NTAN1: variants seen among roughly 807,000 people sequenced by gnomAD.
The protein encoded by NTAN1 is protein N-terminal asparagine amidohydrolase.
A neutral mutation model predicts 41.9 loss-of-function variants in NTAN1; 32 were observed. The ratio of observed to expected loss-of-function variants is 0.76; its 90% CI spans 0.58 to 1.03. NTAN1 has a LOEUF of 1.03. NTAN1 is among the 50% of genes least tolerant of loss of function. NTAN1 has a pLI of 0.00. For synonymous variants in NTAN1, 140 were observed against 139.5 expected, an observed-to-expected ratio of 1.00 and a Z score of -0.03; for missense variants, 377 against 377.5, an observed-to-expected ratio of 1.00 and a Z score of 0.01.
At position 15,052,357 on chromosome 16, in the gene NTAN1, T is replaced by C. The variant is rs373594491; in HGVS notation, c.81+3534A>G. ...AAGACCATTCTTGGCCTATAGGCTA[T>C]ACATAAGCAGGGTCCGGCCCATGAG... On this transcript the variant is annotated intron_variant, in intron 1 of 9. Coordinates refer to ENST00000287706, the MANE Select transcript of NTAN1 (RefSeq NM_173474.4). 2.0e-5 allele frequency among the ~76,000 whole-genome samples: 3 copies of C among 152,338 alleles called. No individual in the cohort carries two copies. In the East Asian group the frequency reaches 5.8e-4, roughly 29 times the overall value.
chr16:15,044,268 A>G, intron 5 of NTAN1, 66 bp downstream of exon 5: 1 of 1,138,730 alleles, frequency 8.8e-7, no homozygotes, highest in Non-Finnish European at 1.3e-6. Flanking sequence ...TGGGATTTTT[A>G]ACCCAAGCAA....
intron 1 of NTAN1, among the ~76,000 whole-genome samples, chr16:15,055,305 C>T (rs887439078): frequency 1.3e-5 from 2 of 152,222 alleles, no homozygotes; most frequent in African/African-American, 4.8e-5. Flanking sequence ...TGCATCAGGG[C>T]GTGGTCCTAT....
At chr16:15,044,654 G>A (rs1005233031) in intron 4 of NTAN1, 9 of 550,114 alleles carry the variant, frequency 1.6e-5, no homozygotes, top group South Asian at 4.6e-5. Flanking sequence ...ATGTGATGCC[G>A]CCTCCATGCA....
intron 6 of NTAN1, 93 bp from the exon 7 acceptor site, chr16:15,041,214 G>A (rs7498279): frequency 1 from 843,443 of 843,490 alleles, 421,698 homozygotes; most frequent in Middle Eastern, 1. Context: ...GGAGCTCCTC[G>A]ATGCAGAAAG....
chr16:15,038,830 C>T (rs931045008), intron 8 of NTAN1, 143 bp from the exon 9 acceptor site: 3 of 582,434 alleles, frequency 5.2e-6, no homozygotes, highest in African/African-American at 3.8e-5. Context: ...ACAAAAGCTG[C>T]CAGCTACTGA....
At chr16:15,038,498 C>T in intron 9 of NTAN1, 76 bp downstream of exon 9, 2 of 868,274 alleles carry the variant, frequency 2.3e-6, no homozygotes, top group South Asian at 3.1e-5. Context: ...ATGACCTGGT[C>T]TAAACCCTTT....
At chr16:15,053,453 A>G (rs993333660) in intron 1 of NTAN1, among the ~76,000 whole-genome samples, 1 of 151,824 alleles carries the variant, frequency 6.6e-6, no homozygotes, top group Admixed American at 6.6e-5. Flanking sequence ...ACATTATAAA[A>G]CAACATATAG....
At chr16:15,051,506 C>G (rs1199739400) in intron 1 of NTAN1, among the ~76,000 whole-genome samples, 1 of 151,218 alleles carries the variant, frequency 6.6e-6, no homozygotes, top group Non-Finnish European at 1.5e-5. Flanking sequence ...GCCGACACAC[C>G]TGGCTAGTTT....
intron 1 of NTAN1, among the ~76,000 whole-genome samples, chr16:15,055,467 C>T (rs1015332856): frequency 2.0e-5 from 3 of 152,208 alleles, no homozygotes; most frequent in East Asian, 1.9e-4. Context: ...CCTGGAATAA[C>T]CTCCTGCTTC....
chr16:15,055,441 G>C (rs542861745), intron 1 of NTAN1, among the ~76,000 whole-genome samples: 3 of 152,312 alleles, frequency 2.0e-5, no homozygotes, highest in Middle Eastern at 3.4e-3. Flanking sequence ...CAGGCCAAAC[G>C]CTCTCCGAAG....
At position 15,041,114 on chromosome 16, in the gene NTAN1, AT is replaced by A; in HGVS notation, c.494del (p.Asn165MetfsTer12). ...AGTGGTTTTCGTTTTCTTCCCGGTCATTTAATTCTACAAAATAAGAATGTTT... is the reference window on the plus strand; with the variant it reads ...AGTGGTTTTCGTTTTCTTCCCGGTCATTAATTCTACAAAATAAGAATGTTT... ...HLVTLCVTEL[N>X]DREENENHFP... On this transcript the variant is annotated frameshift_variant, in exon 7 of 10. Transcript: ENST00000287706. LOFTEE classifies it high-confidence loss of function. 6.4e-7 allele frequency: 1 copy of A among 1,550,576 alleles called. No individual in the cohort carries two copies. The highest frequency in any genetic ancestry group is 8.9e-7 in the Non-Finnish European group (1 of 1,122,014).
At chr16:15,044,218 T>A in intron 5 of NTAN1, 116 bp downstream of exon 5, 1 of 688,494 alleles carries the variant, frequency 1.5e-6, no homozygotes, top group Non-Finnish European at 2.6e-6. Context: ...TTCTCTGTGC[T>A]GCTCCAAGTG....
chr16:15,048,224 TGG>T (rs2151716814), intron 1 of NTAN1, 125 bp from the exon 2 acceptor site: 1 of 642,768 alleles, frequency 1.6e-6, no homozygotes, highest in African/African-American at 1.8e-5. Context: ...AGTGTGTTAG[TGG>T]ACAGAGAGGC....
In NTAN1 at chr16:15,037,987, G is replaced by A. The variant is rs370531120; in HGVS notation, c.*44C>T. ...TGGATTCGTGCCAGCCCCACCAATG[G>A]TCTGTCAGGCCAAGAAGGTGCTTTC... On this transcript the variant is annotated 3_prime_UTR_variant, in exon 10 of 10. Transcript: ENST00000287706. 1.3e-6 allele frequency: 2 copies of A among 1,482,684 alleles called. No individual in the cohort carries two copies. Among genetic ancestry groups the A allele is most frequent in the East Asian group, 2.3e-5 (1 of 44,206 alleles). 91.8% of individuals were successfully genotyped at this position (1,482,684 alleles called of 1,614,324 possible).
At chr16:15,049,544 T>C (rs1052642677) in intron 1 of NTAN1, among the ~76,000 whole-genome samples, 1 of 152,102 alleles carries the variant, frequency 6.6e-6, no homozygotes, top group Non-Finnish European at 1.5e-5. Context: ...TTCTCGTGCC[T>C]CAGCCTCCCC....
chr16:15,042,804 C>G (rs2043880409), intron 5 of NTAN1, among the ~76,000 whole-genome samples: 1 of 151,990 alleles, frequency 6.6e-6, no homozygotes, highest in African/African-American at 2.4e-5. Flanking sequence ...GTGATCTCAG[C>G]TCACTGCAAC....
At chr16:15,052,204 T>C (rs35574015) in intron 1 of NTAN1, among the ~76,000 whole-genome samples, 44,336 of 151,822 alleles carry the variant, frequency 0.29, 6,999 homozygotes, top group Admixed American at 0.44. Flanking sequence ...AAAGCAGCCA[T>C]AGACAATACA....
At chr16:15,049,153 C>T (rs1265097904) in intron 1 of NTAN1, among the ~76,000 whole-genome samples, 248 of 126,024 alleles carry the variant, frequency 2.0e-3, no homozygotes, top group Middle Eastern at 0.013. Flanking sequence ...CCTGGCCTCC[C>T]AAAGTGCTGG....
At chr16:15,044,494 C>T (rs1597782175) in intron 4 of NTAN1, 87 bp from the exon 5 acceptor site, 2 of 865,566 alleles carry the variant, frequency 2.3e-6, no homozygotes, top group Non-Finnish European at 3.9e-6. Context: ...TCTCAGTTTC[C>T]ATGAACACTT....
Sources: gnomAD v4.1 joint callset for allele counts (sites outside exome capture counted in the v4.1 genomes callset) on GRCh38, gnomAD v4.1.1 for gene constraint, MANE v1.5 for transcripts, NCBI Gene and HGNC (gene_info 2026-07-23, HGNC 2026-07-21) for gene names.